ADGRD1: variants seen among roughly 807,000 people sequenced by gnomAD.
The protein encoded by ADGRD1 is adhesion G protein-coupled receptor D1.
In ADGRD1, 77 loss-of-function variants were observed where a neutral mutation model predicts 113.4. The ratio of observed to expected loss-of-function variants is 0.68; its 90% CI spans 0.57 to 0.82. The LOEUF (loss-of-function observed/expected upper bound fraction) is 0.82, where lower values mean the gene tolerates loss of function less well. Among genes scored for constraint, ADGRD1 ranks in the 40% least tolerant of loss-of-function variants. The pLI is 0.00. For missense variants in ADGRD1, 1,036 were observed against 1,139.1 expected, an observed-to-expected ratio of 0.91 and a Z score of 1.30; for synonymous variants, 474 against 475.0, an observed-to-expected ratio of 1.00 and a Z score of 0.03.
rs909942191 is a variant in ADGRD1 at position 130,984,833 on chromosome 12, CTTCT to C, written c.491-2260_491-2257del. Among the ~76,000 whole-genome samples, 54 of 148,230 alleles carry C rather than the reference CTTCT, an allele frequency of 3.6e-4. No individual in the cohort carries two copies. The highest frequency in any genetic ancestry group is 6.3e-4 in the Non-Finnish European group (42 of 66,902). On this transcript the variant is annotated intron_variant, in intron 5 of 24. Coordinates refer to ENST00000261654, the MANE Select transcript of ADGRD1 (RefSeq NM_198827.5). The surrounding 1 kb of genome is among the most constrained non-coding windows in gnomAD (Gnocchi z 4.1). ...CCTTCCTCCCTCCCTTCCTTCCTTC[CTTCT>C]TGCCTTCCATCCTCCCTTGCTCCCT...
rs1284204764 is a variant in ADGRD1 at position 131,027,364 on chromosome 12, G to A, written c.1473+13024G>A. 2.0e-5 allele frequency: 3 copies of A among 152,144 alleles called. No homozygotes were observed. Among genetic ancestry groups the A allele is most frequent in the Non-Finnish European group, 2.9e-5 (2 of 68,026 alleles). 9.4% of individuals were successfully genotyped at this position (152,144 alleles called of 1,614,324 possible). On this transcript the variant is annotated intron_variant, in intron 13 of 24. Transcript: ENST00000261654. This position sits in a 1 kb window ranked among gnomAD's most constrained non-coding sequence, Gnocchi z 5.1. ...GTTCTGCTATCCGTGCCGTTTCGCA[G>A]CTTCAGTTTTTAAATTTACCATGTC... is the stretch of plus-strand genomic sequence containing the variant.
intron 13 of ADGRD1, among the ~76,000 whole-genome samples, chr12:131,045,615 C>A (rs894542981): frequency 1.3e-5 from 2 of 151,762 alleles, no homozygotes; most frequent in South Asian, 4.2e-4. Flanking sequence ...TTCCTTCTTA[C>A]AACAGCTGAG....
In ADGRD1 at chr12:130,968,682, A is replaced by C. The variant is rs1195143302; in HGVS notation, c.187+2136A>C. Reference sequence around the variant, plus strand: ...AGTTCAATTTCATATCTCTCAACTAAGTATCTGCCTATGTGTTGGAGCCAG... The same window carrying C: ...AGTTCAATTTCATATCTCTCAACTACGTATCTGCCTATGTGTTGGAGCCAG... On this transcript the variant is annotated intron_variant, in intron 3 of 24. Transcript: ENST00000261654. The C allele has an allele frequency of 7.6e-6, 3 of 395,692 alleles. No individual in the cohort carries two copies. In the East Asian group the frequency reaches 1.5e-4, roughly 20 times the overall value. The allele number at this position is 395,692 out of a possible 1,614,324, so 24.5% of individuals were successfully genotyped here.
At chr12:131,097,179 G>A (rs1314291578) in intron 15 of ADGRD1, among the ~76,000 whole-genome samples, 3 of 152,132 alleles carry the variant, frequency 2.0e-5, no homozygotes, top group East Asian at 3.9e-4. Context: ...AGTGGTTTCT[G>A]TTTTCCCAGA....
chr12:131,008,939 C>T (rs1336987819), intron 12 of ADGRD1, among the ~76,000 whole-genome samples: 1 of 152,240 alleles, frequency 6.6e-6, no homozygotes, highest in Non-Finnish European at 1.5e-5. Flanking sequence ...TGACACGGAG[C>T]ACCGATGGAA....
intron 15 of ADGRD1, among the ~76,000 whole-genome samples, chr12:131,093,823 C>T (rs779787576): frequency 6.6e-6 from 1 of 152,234 alleles, no homozygotes; most frequent in Non-Finnish European, 1.5e-5. Context: ...TGGCCTTGGG[C>T]AGGTGCCTGC....
intron 16 of ADGRD1, 92 bp downstream of exon 16, chr12:131,105,026 C>A: frequency 1.1e-6 from 1 of 898,254 alleles, no homozygotes; most frequent in South Asian, 1.7e-5. Flanking sequence ...AGGGGAGGGG[C>A]TGTGGAGGTA....
intron 8 of ADGRD1, among the ~76,000 whole-genome samples, chr12:130,999,079 T>C (rs1267213896): frequency 2.6e-5 from 4 of 152,246 alleles, no homozygotes; most frequent in African/African-American, 7.2e-5. Flanking sequence ...TTCTTAAAAA[T>C]GTGCTTGCTG....
In ADGRD1 at chr12:131,050,155, G is replaced by A. The variant is rs945037499; in HGVS notation, c.1474-26646G>A. On this transcript the variant is annotated intron_variant, in intron 13 of 24. Transcript: ENST00000261654. This position sits in a 1 kb window ranked among gnomAD's most constrained non-coding sequence, Gnocchi z 4.8. Reference sequence around the variant, plus strand: ...CTCCTGGGCCAGCACAAACCTCATCGCCTCTTGGTGGCCTGTTACATAACA... The same window carrying A: ...CTCCTGGGCCAGCACAAACCTCATCACCTCTTGGTGGCCTGTTACATAACA... Among the ~76,000 whole-genome samples, 9 of 152,104 alleles carry A rather than the reference G, an allele frequency of 5.9e-5. No homozygotes were observed. The highest frequency in any genetic ancestry group is 1.3e-4 in the Non-Finnish European group (9 of 68,032).
chr12:130,957,703 A>G (rs1031860418), intron 2 of ADGRD1: 1 of 152,274 alleles, frequency 6.6e-6, no homozygotes, highest in Non-Finnish European at 1.5e-5. Context: ...GTAGAAATCA[A>G]CATTTCCTGA....
At position 131,110,383 on chromosome 12, in the gene ADGRD1, G is replaced by A. The variant is rs571942879; in HGVS notation, c.2041+1506G>A. Reference sequence around the variant, plus strand: ...TTTTTTTTTTGGTTATTTTCTTAGCGATTGACCTAATGCTTACTATATACA... The same window carrying A: ...TTTTTTTTTTGGTTATTTTCTTAGCAATTGACCTAATGCTTACTATATACA... On this transcript the variant is annotated intron_variant, in intron 18 of 24. Coordinates refer to ENST00000261654, the MANE Select transcript of ADGRD1 (RefSeq NM_198827.5). Among the ~76,000 whole-genome samples the A allele has an allele frequency of 2.2e-3, 332 of 149,992 alleles. 2 individuals carry two copies. Among genetic ancestry groups the A allele is most frequent in the African/African-American group, 7.3e-3 (296 of 40,670 alleles).
At chr12:131,098,198 T>C (rs11061324) in intron 15 of ADGRD1, among the ~76,000 whole-genome samples, 54,422 of 108,806 alleles carry the variant, frequency 0.5, 10,939 homozygotes, top group South Asian at 0.64. Flanking sequence ...GCTGCCTCAC[T>C]GCCTTCTCTG....
chr12:131,139,258 G>A lies in ADGRD1; in HGVS notation c.2620G>A (p.Val874Met), dbSNP rs148442158. The change falls in exon 25 of 25, where the codon GTG (valine) becomes ATG (methionine). Residue 874 changes from valine to methionine, a missense_variant. Val to Met is a conservative substitution (Grantham distance 21). Coordinates refer to ENST00000261654, the MANE Select transcript of ADGRD1 (RefSeq NM_198827.5). ...TGCCCACCGCGTCGACCTGTCAGCC[G>A]TGTGAGCCGGGAGGCTGCCAACCAG... ...HSAHRVDLSA[V>M] 41 of 1,610,474 alleles carry A rather than the reference G, an allele frequency of 2.5e-5. No individual in the cohort carries two copies. The East Asian group carries it at 6.2e-4, about 25-fold the overall frequency.
rs547462669 is a variant in ADGRD1, at chr12:131,075,204, A to G, written c.1474-1597A>G. On this transcript the variant is annotated intron_variant, in intron 13 of 24. Coordinates refer to ENST00000261654, the MANE Select transcript of ADGRD1 (RefSeq NM_198827.5). The surrounding 1 kb of genome is among the most constrained non-coding windows in gnomAD (Gnocchi z 5.3). ...ACGCCTCCTTGTTAAAAAATTACAT[A>G]TAACGCTGTCTGCTGGAGGCTTTGG... Among the ~76,000 whole-genome samples, 116 of 152,250 alleles carry G rather than the reference A, an allele frequency of 7.6e-4. No homozygotes were observed. Among genetic ancestry groups the G allele is most frequent in the Admixed American group, 2.3e-3 (35 of 15,298 alleles).
intron 2 of ADGRD1, among the ~76,000 whole-genome samples, chr12:130,964,881 T>G (rs1212970106): frequency 6.6e-6 from 1 of 152,174 alleles, no homozygotes. Flanking sequence ...CTCTTCTGTT[T>G]CTTCTCCAGA....
intron 13 of ADGRD1, among the ~76,000 whole-genome samples, chr12:131,034,107 C>T (rs186247503): frequency 7.0e-4 from 107 of 152,342 alleles, no homozygotes; most frequent in Middle Eastern, 3.4e-3. Flanking sequence ...ACGTGGCCGT[C>T]AGGTGGTGTC....
chr12:131,005,877 G>T, intron 11 of ADGRD1, 95 bp from the exon 12 acceptor site: 1 of 943,122 alleles, frequency 1.1e-6, no homozygotes, highest in South Asian at 1.3e-5. Flanking sequence ...TAGGAGTGAG[G>T]GGCAGCACCA....
intron 13 of ADGRD1, among the ~76,000 whole-genome samples, chr12:131,036,010 G>T (rs1320037634): frequency 6.6e-6 from 1 of 152,150 alleles, no homozygotes; most frequent in Non-Finnish European, 1.5e-5. Context: ...TTGTTTACCT[G>T]CTTTAAAAAC....
At chr12:131,007,247 T>C (rs1211477955) in intron 12 of ADGRD1, among the ~76,000 whole-genome samples, 1 of 152,240 alleles carries the variant, frequency 6.6e-6, no homozygotes, top group Non-Finnish European at 1.5e-5. Context: ...AGCTCTTTCA[T>C]GAAGGGCCAG....
Sources: allele counts gnomAD v4.1 joint callset (sites outside exome capture counted in the v4.1 genomes callset), GRCh38; gene constraint gnomAD v4.1.1; non-coding constraint Gnocchi (gnomAD v3.1); transcripts MANE v1.5; gene names NCBI Gene and HGNC (gene_info 2026-07-23, HGNC 2026-07-21).